INSL6: variants seen among roughly 807,000 people sequenced by gnomAD.
The protein encoded by INSL6 is insulin like 6.
Under a neutral mutation model 9.4 loss-of-function variants are expected in INSL6, and 16 were observed. The observed-to-expected ratio is 1.70, with a 90% CI of 1.15 to 2.59. INSL6 has a LOEUF of 2.59. INSL6 is among the 30% of genes most tolerant of loss of function. The pLI is 0.00. For missense variants in INSL6, 391 were observed against 257.3 expected (o/e 1.52, Z -3.56); for synonymous variants, 154 against 96.9 (o/e 1.59, Z -3.46).
chr9:5,023,242 A>G, the INSL6 span, among the ~76,000 whole-genome samples: 1 of 152,200 alleles, frequency 6.6e-6, no homozygotes, highest in Non-Finnish European at 1.5e-5. Context: ...CCACATATGA[A>G]TGAGAACTTG....
chr9:5,062,824 G>A, the INSL6 span, among the ~76,000 whole-genome samples: 1 of 152,094 alleles, frequency 6.6e-6, no homozygotes, highest in Non-Finnish European at 1.5e-5. Context: ...ACCTGAGATT[G>A]AGCAATACCT....
the INSL6 span, chr9:5,069,866 G>T: frequency 2.6e-6 from 3 of 1,158,676 alleles, no homozygotes; most frequent in Non-Finnish European, 3.6e-6. Flanking sequence ...ACTCCTCTTT[G>T]GAGCAATTCA....
At chr9:5,032,332 G>C in the INSL6 span, among the ~76,000 whole-genome samples, 2 of 152,258 alleles carry the variant, frequency 1.3e-5, no homozygotes, top group Non-Finnish European at 2.9e-5. Context: ...GCAGGGCATA[G>C]CCAAACAAAA....
At chr9:5,122,616 C>G (rs1823700314), downstream of INSL6, among the ~76,000 whole-genome samples, 1 of 152,048 alleles carries the variant, frequency 6.6e-6, no homozygotes, top group African/African-American at 2.4e-5. Flanking sequence ...GCTAGGAAGA[C>G]TCACAGGACT....
chr9:5,098,419 G>T, the INSL6 span: 1 of 152,000 alleles, frequency 6.6e-6, no homozygotes, highest in Admixed American at 6.5e-5. Flanking sequence ...CCGTGACCAC[G>T]TTCTTATAAT....
chr9:4,992,584 G>T, the INSL6 span, among the ~76,000 whole-genome samples: 12 of 152,210 alleles, frequency 7.9e-5, no homozygotes, highest in African/African-American at 2.4e-4. Context: ...TCTCCTCAAA[G>T]GTCCCTAATT....
At position 5,157,067 on chromosome 9, in the gene INSL6, T is replaced by C. The variant is rs554991993; in HGVS notation, c.376+7112A>G. The stretch of plus-strand genomic sequence containing the variant: ...TTAGAGGTACATTTAACAACATATG[T>C]ATTATAACTGTACATTAAAACTACA... On this transcript the variant is annotated intron_variant, in intron 2 of 3. Coordinates refer to the INSL6 transcript ENST00000649639. Among the ~76,000 whole-genome samples the C allele has an allele frequency of 3.3e-5, 5 of 152,218 alleles. No homozygotes were observed. The South Asian group carries it at 1.0e-3, about 32-fold the overall frequency.
the INSL6 span, among the ~76,000 whole-genome samples, chr9:5,117,746 CAA>C: frequency 2.7e-4 from 41 of 151,860 alleles, no homozygotes; most frequent in Non-Finnish European, 5.0e-4. Context: ...CTCACAGAAA[CAA>C]AAGTTTTTTG....
At chr9:5,112,284 T>C in the INSL6 span, 1 of 268,010 alleles carries the variant, frequency 3.7e-6, no homozygotes, top group South Asian at 3.9e-5. Flanking sequence ...GCCAGCCTCA[T>C]GCACATCCAT....
the INSL6 span, among the ~76,000 whole-genome samples, chr9:5,037,408 G>A: frequency 3.3e-5 from 5 of 152,136 alleles, no homozygotes; most frequent in Admixed American, 2.0e-4. Flanking sequence ...ACATGCACAC[G>A]TATGTTTATT....
At chr9:5,020,370 G>T in the INSL6 span, among the ~76,000 whole-genome samples, 1 of 152,150 alleles carries the variant, frequency 6.6e-6, no homozygotes, top group Non-Finnish European at 1.5e-5. Flanking sequence ...TGGGAGTGGG[G>T]TGCTGAGCTG....
chr9:5,177,552 G>C (rs1825339139), intron 1 of INSL6, among the ~76,000 whole-genome samples: 1 of 152,210 alleles, frequency 6.6e-6, no homozygotes, highest in African/African-American at 2.4e-5. Context: ...TGGGATCCTG[G>C]CAAGGCAGAA....
chr9:5,121,687 A>G (rs1050655562), downstream of INSL6, among the ~76,000 whole-genome samples: 4 of 152,342 alleles, frequency 2.6e-5, no homozygotes, highest in South Asian at 8.3e-4. Context: ...TCAAAAAGAC[A>G]AAGAATTTAC....
chr9:5,119,989 G>C (rs981486162), downstream of INSL6, among the ~76,000 whole-genome samples: 8 of 152,110 alleles, frequency 5.3e-5, no homozygotes, highest in African/African-American at 1.2e-4. Flanking sequence ...CACTGTCTTA[G>C]TCCCTTTATG....
the INSL6 span, among the ~76,000 whole-genome samples, chr9:5,052,406 A>AC: frequency 4.0e-5 from 6 of 151,204 alleles, no homozygotes; most frequent in Non-Finnish European, 8.9e-5. Context: ...ATGCTGCATC[A>AC]TTTTTTTTTA....
At chr9:5,124,038 TC>T (rs1226332367) in exon 4 of INSL6, among the ~76,000 whole-genome samples, 1 of 151,688 alleles carries the variant, frequency 6.6e-6, no homozygotes, top group Non-Finnish European at 1.5e-5. Flanking sequence ...ATCTCCTTTG[TC>T]CACTTTTTAA....
At chr9:5,065,197 G>C in the INSL6 span, among the ~76,000 whole-genome samples, 1 of 151,940 alleles carries the variant, frequency 6.6e-6, no homozygotes, top group Non-Finnish European at 1.5e-5. Context: ...ATAATAATTA[G>C]AATTATTTAG....
At chr9:5,092,740 C>G in the INSL6 span, among the ~76,000 whole-genome samples, 12 of 152,144 alleles carry the variant, frequency 7.9e-5, no homozygotes, top group African/African-American at 2.9e-4. Flanking sequence ...GCGTACTCAC[C>G]TACGTGGCAA....
chr9:5,076,996 G>C, the INSL6 span, among the ~76,000 whole-genome samples: 5 of 151,878 alleles, frequency 3.3e-5, no homozygotes, highest in Non-Finnish European at 7.4e-5. Flanking sequence ...ATTTTTTGCA[G>C]AATTAAAAGA....
Sources: gnomAD v4.1 joint callset for allele counts (sites outside exome capture counted in the v4.1 genomes callset) on GRCh38, gnomAD v4.1.1 for gene constraint, MANE v1.5 for transcripts, NCBI Gene and HGNC (gene_info 2026-07-23, HGNC 2026-07-21) for gene names.